TENM3: variants seen among roughly 807,000 people sequenced by gnomAD.
The protein encoded by TENM3 is teneurin-3.
Under a neutral mutation model 255.1 loss-of-function variants are expected in TENM3, and 63 were observed. The observed-to-expected ratio is 0.25, with a 90% CI of 0.20 to 0.30. The LOEUF is 0.30. TENM3 is among the 10% of genes least tolerant of loss of function. TENM3 has a pLI of 1.00. For missense variants in TENM3, 2,929 were observed against 3,461.1 expected, an observed-to-expected ratio of 0.85 and a Z score of 3.86; for synonymous variants, 1,306 against 1,322.3, an observed-to-expected ratio of 0.99 and a Z score of 0.27.
chr4:181,622,373 T>G, the TENM3 span, among the ~76,000 whole-genome samples: 1 of 152,176 alleles, frequency 6.6e-6, no homozygotes, highest in East Asian at 1.9e-4. Flanking sequence ...AACCTTCTTC[T>G]TATAATAAAT....
At chr4:182,181,995 G>A (rs932596789) in intron 1 of TENM3, among the ~76,000 whole-genome samples, 5 of 151,752 alleles carry the variant, frequency 3.3e-5, no homozygotes, top group African/African-American at 9.7e-5. Flanking sequence ...ATGCCCATAT[G>A]TTCAGGATAG....
At chr4:182,605,852 C>T in intron 4 of TENM3, among the ~76,000 whole-genome samples, 1 of 152,274 alleles carries the variant, frequency 6.6e-6, no homozygotes, top group Non-Finnish European at 1.5e-5. Flanking sequence ...GAGAAGGGGC[C>T]ATATCAACAG....
chr4:181,626,787 A>G, the TENM3 span, among the ~76,000 whole-genome samples: 2 of 152,222 alleles, frequency 1.3e-5, no homozygotes, highest in East Asian at 3.9e-4. Flanking sequence ...GGGCCATTCA[A>G]ACGGGTTTGG....
At chr4:181,913,839 G>A in the TENM3 span, among the ~76,000 whole-genome samples, 2 of 152,132 alleles carry the variant, frequency 1.3e-5, no homozygotes, top group African/African-American at 4.8e-5. Flanking sequence ...GATTTTAAAG[G>A]AAGTTAACAG....
intron 1 of TENM3, among the ~76,000 whole-genome samples, chr4:182,308,632 GC>G (rs1392173735): frequency 1.3e-5 from 2 of 152,244 alleles, no homozygotes; most frequent in Non-Finnish European, 2.9e-5. Context: ...GAGCCGCTGT[GC>G]CCAACCTATG....
At chr4:181,839,345 GTA>G in the TENM3 span, among the ~76,000 whole-genome samples, 8,357 of 56,282 alleles carry the variant, frequency 0.15, 546 homozygotes, top group Non-Finnish European at 0.19. Flanking sequence ...TGTATTGAGG[GTA>G]TATATATATA....
the TENM3 span, among the ~76,000 whole-genome samples, chr4:181,555,700 T>C: frequency 6.6e-6 from 1 of 152,200 alleles, no homozygotes; most frequent in African/African-American, 2.4e-5. Context: ...CCAGGTGTTC[T>C]ATCTGTGTGT....
chr4:181,845,510 TACACATACAC>T, the TENM3 span, among the ~76,000 whole-genome samples: 1 of 152,202 alleles, frequency 6.6e-6, no homozygotes, highest in South Asian at 2.1e-4. Flanking sequence ...CTCTAATATA[TACACATACAC>T]ACACATACAT....
At chr4:182,716,097 T>A (rs13139636) in intron 13 of TENM3, among the ~76,000 whole-genome samples, 137,241 of 152,156 alleles carry the variant, frequency 0.9, 62,442 homozygotes, top group East Asian at 1. Flanking sequence ...TACAGATGGC[T>A]CCTCTCTTCG....
chr4:182,388,550 A>C (rs1015344636), intron 3 of TENM3, among the ~76,000 whole-genome samples: 15 of 152,202 alleles, frequency 9.9e-5, no homozygotes, highest in African/African-American at 3.1e-4. Context: ...GCAGGAGGCT[A>C]TGCAGCAACT....
At chr4:181,548,037 C>T in the TENM3 span, among the ~76,000 whole-genome samples, 13 of 151,844 alleles carry the variant, frequency 8.6e-5, no homozygotes, top group African/African-American at 3.1e-4. Context: ...TCAATTCCCA[C>T]CTATAAGTGA....
At chr4:181,615,696 A>G in the TENM3 span, among the ~76,000 whole-genome samples, 12 of 152,194 alleles carry the variant, frequency 7.9e-5, no homozygotes, top group Admixed American at 2.0e-4. Flanking sequence ...CATGAGTTTA[A>G]AATACAGTAT....
At chr4:182,083,811 T>C in the TENM3 span, among the ~76,000 whole-genome samples, 1 of 152,178 alleles carries the variant, frequency 6.6e-6, no homozygotes, top group South Asian at 2.1e-4. Context: ...GACTTAAGCT[T>C]TTTGAGAAGA....
intron 1 of TENM3, among the ~76,000 whole-genome samples, chr4:182,314,620 C>A (rs1301342420): frequency 1.3e-5 from 2 of 152,148 alleles, no homozygotes; most frequent in Non-Finnish European, 2.9e-5. Flanking sequence ...AGTTAGAATT[C>A]TCTTTTTTCA....
the TENM3 span, among the ~76,000 whole-genome samples, chr4:181,951,038 T>C: frequency 6.6e-6 from 1 of 152,202 alleles, no homozygotes; most frequent in East Asian, 1.9e-4. Flanking sequence ...CAAGATCATA[T>C]CTCAGAAAAA....
upstream of TENM3, chr4:182,142,671 G>C (rs964473148): frequency 6.0e-6 from 1 of 166,948 alleles, no homozygotes; most frequent in Non-Finnish European, 1.5e-5. Flanking sequence ...ACCAGTCTCC[G>C]CCACGCTTCC....
chr4:181,664,038 G>A, the TENM3 span, among the ~76,000 whole-genome samples: 2 of 152,194 alleles, frequency 1.3e-5, no homozygotes, highest in Non-Finnish European at 2.9e-5. Flanking sequence ...GTTTAGTGGT[G>A]TGGTTAAGAG....
chr4:182,645,457 A>G (rs557954309), intron 5 of TENM3, among the ~76,000 whole-genome samples: 12 of 152,222 alleles, frequency 7.9e-5, no homozygotes, highest in African/African-American at 2.9e-4. Context: ...GAGGCATTGT[A>G]TAAGTCAGGA....
chr4:181,506,066 T>C, the TENM3 span, among the ~76,000 whole-genome samples: 426 of 152,280 alleles, frequency 2.8e-3, 2 homozygotes, highest in African/African-American at 1.0e-2. Flanking sequence ...GAAGACAAGA[T>C]TTTGTCCTTG....
Sources: gnomAD v4.1 joint callset for allele counts (sites outside exome capture counted in the v4.1 genomes callset) on GRCh38, gnomAD v4.1.1 for gene constraint, MANE v1.5 for transcripts, NCBI Gene and HGNC (gene_info 2026-07-23, HGNC 2026-07-21) for gene names.